The following ZNF362 variants were observed in gnomAD, a reference collection of about 807,000 sequenced individuals.
The protein encoded by ZNF362 is zinc finger protein 362.
A neutral mutation model predicts 42.9 loss-of-function variants in ZNF362; 11 were observed. That is an observed-to-expected ratio of 0.26 (90% CI 0.16 to 0.42). ZNF362 has a LOEUF of 0.42. ZNF362 is among the 20% of genes least tolerant of loss of function. The probability of loss-of-function intolerance (pLI) is 1.00; values close to 1 mark genes in which losing one functional copy is unlikely to be tolerated. For synonymous variants in ZNF362, 255 were observed against 257.3 expected (o/e 0.99, Z 0.09); for missense variants, 362 against 576.2 (o/e 0.63, Z 3.81).
chr1:33,260,774 C>T (rs1645823589), intron 1 of ZNF362, among the ~76,000 whole-genome samples: 1 of 152,126 alleles, frequency 6.6e-6, no homozygotes. Flanking sequence ...CTGTCTTCTC[C>T]TTCCTCCCAC....
At chr1:33,146,264 T>C in the ZNF362 span, 2 of 201,712 alleles carry the variant, frequency 9.9e-6, no homozygotes, top group South Asian at 1.6e-4. Flanking sequence ...CTAACTGAGA[T>C]AGATGCCAAG....
the ZNF362 span, chr1:33,196,085 A>C: frequency 1.3e-5 from 2 of 152,136 alleles, no homozygotes; most frequent in Admixed American, 6.6e-5. Flanking sequence ...TCTTTGTTAA[A>C]ACCAAAGACA....
the ZNF362 span, among the ~76,000 whole-genome samples, chr1:33,180,387 T>C: frequency 6.6e-6 from 1 of 152,112 alleles, no homozygotes; most frequent in Middle Eastern, 3.2e-3. Flanking sequence ...GATCTCAGTC[T>C]TAACCCCTCA....
At chr1:33,258,781 G>A (rs923014012) in intron 1 of ZNF362, among the ~76,000 whole-genome samples, 1 of 152,188 alleles carries the variant, frequency 6.6e-6, no homozygotes, top group African/African-American at 2.4e-5. Flanking sequence ...AGTTTTCACA[G>A]TATGGTGTGG....
the ZNF362 span, among the ~76,000 whole-genome samples, chr1:33,211,429 C>G: frequency 7.9e-5 from 12 of 152,088 alleles, no homozygotes; most frequent in Non-Finnish European, 4.4e-5. Context: ...TAAGGCAGGC[C>G]TGGTGGTGAC....
the ZNF362 span, chr1:33,176,439 G>A: frequency 1.4e-6 from 1 of 697,832 alleles, no homozygotes; most frequent in Non-Finnish European, 2.6e-6. Context: ...ATCCACTGCT[G>A]TCTTCTCTGG....
the ZNF362 span, chr1:33,181,123 G>A: frequency 6.2e-7 from 1 of 1,600,798 alleles, no homozygotes; most frequent in African/African-American, 1.3e-5. This position sits in a 1 kb window ranked among gnomAD's most constrained non-coding sequence, Gnocchi z 6.5. Flanking sequence ...CGGTCCGTGA[G>A]GCAGAAGAGC....
the ZNF362 span, among the ~76,000 whole-genome samples, chr1:33,172,615 T>C: frequency 7.2e-5 from 11 of 152,236 alleles, no homozygotes; most frequent in African/African-American, 2.4e-4. Flanking sequence ...CTGTGGAGTC[T>C]GCGCAGCCCT....
intron 4 of ZNF362, 150 bp downstream of exon 4, chr1:33,276,744 G>T: frequency 1.9e-6 from 2 of 1,052,556 alleles, no homozygotes; most frequent in Non-Finnish European, 2.5e-6. Context: ...GAGTGGCGGG[G>T]TTGGCCACGA....
rs1645990739 is a variant in ZNF362 at position 33,281,104 on chromosome 1, A to T, written c.684-483A>T. On this transcript the variant is annotated intron_variant, in intron 5 of 8. Transcript: ENST00000539719. This position sits in a 1 kb window ranked among gnomAD's most constrained non-coding sequence, Gnocchi z 4.8. ...AACAACAACAACAACAATTTTAAAG[A>T]ATCACCTGAAGAGCTTTCAGAAAAT... Among the ~76,000 whole-genome samples the T allele has an allele frequency of 6.6e-6, 1 of 151,866 alleles. No individual in the cohort carries two copies. The highest frequency in any genetic ancestry group is 1.5e-5 in the Non-Finnish European group (1 of 67,968).
Position 33,281,050 on chromosome 1 carries a change from C to G in ZNF362, c.684-537C>G, listed in dbSNP as rs1645990321. On this transcript the variant is annotated intron_variant, in intron 5 of 8. Coordinates refer to ENST00000539719, the MANE Select transcript of ZNF362 (RefSeq NM_152493.3). The surrounding 1 kb of genome is among the most constrained non-coding windows in gnomAD (Gnocchi z 4.8). ...GGCCACTGCACTCCAACCTGGGTGA[C>G]AGGGTGAGACTCTGTCTCAAACAAC... Among the ~76,000 whole-genome samples the G allele has an allele frequency of 7.0e-6, 1 of 142,670 alleles. No homozygotes were observed. The highest frequency in any genetic ancestry group is 2.3e-4 in the South Asian group (1 of 4,324). 93.6% of individuals were successfully genotyped at this position (142,670 alleles called of 152,430 possible).
the ZNF362 span, among the ~76,000 whole-genome samples, chr1:33,197,735 G>T: frequency 2.6e-5 from 4 of 152,184 alleles, no homozygotes; most frequent in African/African-American, 9.7e-5. Context: ...AGCCAAGGAA[G>T]CTAGAGTTTG....
At chr1:33,191,491 TTTTTG>T in the ZNF362 span, among the ~76,000 whole-genome samples, 371 of 1,900 alleles carry the variant, frequency 0.2, 1 homozygote, top group Admixed American at 0.34. Context: ...AACATCCTTT[TTTTTG>T]TTTTTGTTTT....
chr1:33,279,409 C>G (rs1457046013), intron 4 of ZNF362, among the ~76,000 whole-genome samples: 2 of 152,112 alleles, frequency 1.3e-5, no homozygotes, highest in Non-Finnish European at 2.9e-5. Context: ...ACACTCCCAC[C>G]ACCAGTGTAT....
chr1:33,187,690 A>G, the ZNF362 span, among the ~76,000 whole-genome samples: 1 of 152,186 alleles, frequency 6.6e-6, no homozygotes, highest in Admixed American at 6.5e-5. Flanking sequence ...TACCAGAGGC[A>G]GATATAATTT....
chr1:33,219,907 C>T, the ZNF362 span, among the ~76,000 whole-genome samples: 18 of 152,266 alleles, frequency 1.2e-4, no homozygotes, highest in East Asian at 3.1e-3. Flanking sequence ...TCCTTGCTAC[C>T]CCAACTCCCC....
At chr1:33,228,032 C>T in the ZNF362 span, among the ~76,000 whole-genome samples, 1 of 152,160 alleles carries the variant, frequency 6.6e-6, no homozygotes, top group East Asian at 1.9e-4. Flanking sequence ...ATTTCTTTTA[C>T]ATAAATTTGT....
chr1:33,212,078 A>G, the ZNF362 span, among the ~76,000 whole-genome samples: 36 of 152,280 alleles, frequency 2.4e-4, no homozygotes, highest in Admixed American at 4.6e-4. Context: ...AGCTGTCATT[A>G]CGATAGTGAA....
chr1:33,220,810 G>A, the ZNF362 span, among the ~76,000 whole-genome samples: 1 of 152,210 alleles, frequency 6.6e-6, no homozygotes. Context: ...AAGCAACCCA[G>A]CGGGTGTGGG....
Sources: allele counts gnomAD v4.1 joint callset (sites outside exome capture counted in the v4.1 genomes callset), GRCh38; gene constraint gnomAD v4.1.1; non-coding constraint Gnocchi (gnomAD v3.1); transcripts MANE v1.5; gene names NCBI Gene and HGNC (gene_info 2026-07-23, HGNC 2026-07-21).